PTPRE: variants seen among roughly 807,000 people sequenced by gnomAD.
The protein encoded by PTPRE is receptor-type tyrosine-protein phosphatase epsilon.
In PTPRE, 51 loss-of-function variants were observed where a neutral mutation model predicts 102.0. That is an observed-to-expected ratio of 0.50 (90% confidence interval 0.40 to 0.63). The LOEUF is 0.63. Among genes scored for constraint, PTPRE ranks in the 30% least tolerant of loss-of-function variants. PTPRE has a pLI of 0.00. For synonymous variants in PTPRE, 345 were observed against 348.2 expected (o/e 0.99, Z 0.10); for missense variants, 752 against 915.1 (o/e 0.82, Z 2.30).
At chr10:127,988,725 T>C (rs1233516994) in intron 2 of PTPRE, among the ~76,000 whole-genome samples, 1 of 152,220 alleles carries the variant, frequency 6.6e-6, no homozygotes, top group African/African-American at 2.4e-5. Context: ...CTCTATTGGG[T>C]ACTATGTTCA....
intron 1 of PTPRE, among the ~76,000 whole-genome samples, chr10:127,954,332 T>C (rs920498418): frequency 6.6e-6 from 1 of 152,208 alleles, no homozygotes; most frequent in Non-Finnish European, 1.5e-5. Context: ...TTTGGGGTGA[T>C]CTGCCAGCCT....
intron 7 of PTPRE, among the ~76,000 whole-genome samples, chr10:128,059,126 T>C (rs2135932703): frequency 6.6e-6 from 1 of 152,366 alleles, no homozygotes; most frequent in Non-Finnish European, 1.5e-5. Flanking sequence ...AGCAGAAGGC[T>C]ATATTTTACC....
intron 5 of PTPRE, among the ~76,000 whole-genome samples, chr10:128,048,722 TG>T (rs753081199): frequency 5.9e-5 from 9 of 152,192 alleles, no homozygotes; most frequent in Non-Finnish European, 1.3e-4. Flanking sequence ...GTGCGGCTAG[TG>T]AGTAGCAGGG....
Position 128,072,190 on chromosome 10 carries a change from C to T in PTPRE, c.1440C>T (p.Asp480=). The T allele has an allele frequency of 6.2e-7, 1 of 1,613,996 alleles. No individual in the cohort carries two copies. The highest frequency in any genetic ancestry group is 8.5e-7 in the Non-Finnish European group (1 of 1,179,922). ...LSMKRGQEYT[D]YINASFIDGY... is the part of the protein sequence containing the mutation. ...TGAAAAGGGGTCAAGAATACACAGA[C>T]TACATCAACGCATCCTTCATAGACG... is the stretch of plus-strand genomic sequence containing the variant. The change falls in exon 16 of 21, where the codon GAC becomes GAT. Residue 480 remains aspartate (D), a synonymous_variant. Coordinates refer to ENST00000254667, the MANE Select transcript of PTPRE (RefSeq NM_006504.6).
chr10:128,082,583 C>T (rs541786895), intron 20 of PTPRE, among the ~76,000 whole-genome samples: 99 of 151,972 alleles, frequency 6.5e-4, no homozygotes, highest in African/African-American at 2.3e-3. Context: ...AAGCCACAGA[C>T]ATTTAACTCA....
chr10:128,026,534 C>T (rs1312712713), intron 2 of PTPRE, among the ~76,000 whole-genome samples: 2 of 152,230 alleles, frequency 1.3e-5, no homozygotes, highest in African/African-American at 4.8e-5. Context: ...ATTCAGGTCC[C>T]TGCAGTGATA....
At chr10:127,987,105 T>C (rs186915584) in intron 2 of PTPRE, among the ~76,000 whole-genome samples, 2 of 152,188 alleles carry the variant, frequency 1.3e-5, no homozygotes, top group Admixed American at 1.3e-4. Flanking sequence ...CCATTTCCAG[T>C]CCTCCCTCCC....
At chr10:128,077,879 CT>C (rs1851363252) in intron 19 of PTPRE, 96 bp downstream of exon 19, 60 of 1,397,414 alleles carry the variant, frequency 4.3e-5, no homozygotes, top group Non-Finnish European at 5.6e-5. Flanking sequence ...GTCGCTGCCC[CT>C]GGCCATGGTA....
chr10:127,932,186 C>T (rs952716373), intron 1 of PTPRE, among the ~76,000 whole-genome samples: 2 of 151,874 alleles, frequency 1.3e-5, no homozygotes, highest in Non-Finnish European at 2.9e-5. Flanking sequence ...CTCCTCGAAT[C>T]AAAAAGAAAA....
chr10:127,924,241 T>C (rs759927206), intron 1 of PTPRE, among the ~76,000 whole-genome samples: 83 of 152,228 alleles, frequency 5.5e-4, no homozygotes, highest in Admixed American at 6.5e-4. Context: ...TTGTTGTTGT[T>C]TTGAAACAGA....
intron 18 of PTPRE, among the ~76,000 whole-genome samples, chr10:128,077,406 C>T (rs1202348150): frequency 6.6e-6 from 1 of 152,222 alleles, no homozygotes; most frequent in Admixed American, 6.5e-5. Context: ...CTCGCTCCCC[C>T]TTGCAGAAGG....
intron 2 of PTPRE, among the ~76,000 whole-genome samples, chr10:128,023,910 A>G (rs548966187): frequency 1.3e-5 from 2 of 152,388 alleles, no homozygotes; most frequent in East Asian, 1.9e-4. Flanking sequence ...AAACACAATT[A>G]TCTTGTCACT....
intron 2 of PTPRE, among the ~76,000 whole-genome samples, chr10:128,037,822 C>T (rs181543119): frequency 1.1e-4 from 17 of 152,254 alleles, no homozygotes; most frequent in African/African-American, 3.6e-4. Context: ...ATATGAGTCT[C>T]GCTCTATTGC....
At chr10:127,956,435 T>G (rs557957808) in intron 1 of PTPRE, among the ~76,000 whole-genome samples, 1 of 152,362 alleles carries the variant, frequency 6.6e-6, no homozygotes, top group East Asian at 1.9e-4. Context: ...TGTCTATATA[T>G]TCATTGCATT....
At position 127,944,746 on chromosome 10, in the gene PTPRE, G is replaced by T. The variant is rs190347699; in HGVS notation, c.-31+37437G>T. On this transcript the variant is annotated intron_variant, in intron 1 of 20. Coordinates refer to ENST00000254667, the MANE Select transcript of PTPRE (RefSeq NM_006504.6). This position sits in a 1 kb window ranked among gnomAD's most constrained non-coding sequence, Gnocchi z 4.2. ...TCCACGTGGATAGCAGGCTGGTGTAGGTACAAGACTGGAAGCAAGAGACTA... is the reference window on the plus strand; with the variant it reads ...TCCACGTGGATAGCAGGCTGGTGTATGTACAAGACTGGAAGCAAGAGACTA... Among the ~76,000 whole-genome samples the T allele has an allele frequency of 2.0e-5, 3 of 152,312 alleles. No homozygotes were observed. The highest frequency in any genetic ancestry group is 4.4e-5 in the Non-Finnish European group (3 of 68,028).
chr10:127,934,117 T>C (rs1419927104), intron 1 of PTPRE: 1 of 150,458 alleles, frequency 6.6e-6, no homozygotes. Context: ...CTTCTGGGTT[T>C]CTGAAATGAA....
intron 16 of PTPRE, chr10:128,072,792 A>C (rs1425343714): frequency 6.5e-6 from 1 of 153,132 alleles, no homozygotes; most frequent in Non-Finnish European, 1.5e-5. Flanking sequence ...GTTACACACC[A>C]ATTATATATC....
chr10:127,930,061 C>CA (rs941241176), intron 1 of PTPRE, among the ~76,000 whole-genome samples: 8,202 of 72,212 alleles, frequency 0.11, 368 homozygotes, highest in Non-Finnish European at 0.15. Flanking sequence ...GATTCCATCT[C>CA]AAAAAAAAAA....
chr10:128,082,193 T>C (rs1412906589), intron 20 of PTPRE, among the ~76,000 whole-genome samples: 46 of 55,608 alleles, frequency 8.3e-4, no homozygotes, highest in African/African-American at 2.7e-3. Context: ...TTTTTTCTCT[T>C]TCTTTTTTTT....
Sources: gnomAD v4.1 joint callset for allele counts (sites outside exome capture counted in the v4.1 genomes callset) on GRCh38, gnomAD v4.1.1 for gene constraint, Gnocchi (gnomAD v3.1) non-coding constraint, MANE v1.5 for transcripts, NCBI Gene and HGNC (gene_info 2026-07-23, HGNC 2026-07-21) for gene names.